Variants in HDAC9 observed in about 807,000 individuals in gnomAD.
The protein encoded by HDAC9 is MEF-2 interacting transcription repressor (MITR) protein.
A neutral mutation model predicts 139.4 loss-of-function variants in HDAC9; 41 were observed. That is an observed-to-expected ratio of 0.29 (90% confidence interval 0.23 to 0.38). HDAC9 has a LOEUF of 0.38. Among genes scored for constraint, HDAC9 ranks in the 10% least tolerant of loss-of-function variants. The pLI is 1.00. For missense variants in HDAC9, 1,147 were observed against 1,297.0 expected, an observed-to-expected ratio of 0.88 and a Z score of 1.78; for synonymous variants, 517 against 476.2, an observed-to-expected ratio of 1.09 and a Z score of -1.12.
At chr7:18,704,529 C>T (rs1367406620) in intron 12 of HDAC9, among the ~76,000 whole-genome samples, 2 of 152,156 alleles carry the variant, frequency 1.3e-5, no homozygotes, top group Non-Finnish European at 2.9e-5. Context: ...TAGTCATATC[C>T]TTAAGTCACA....
chr7:18,394,623 T>G (rs997430976), intron 1 of HDAC9, among the ~76,000 whole-genome samples: 4 of 152,114 alleles, frequency 2.6e-5, no homozygotes, highest in African/African-American at 4.8e-5. Context: ...TGTGTATCTG[T>G]GTGTGGAAAG....
Position 18,935,864 on chromosome 7 carries a change from G to C in HDAC9, c.2859G>C (p.Leu953Phe). The C allele has an allele frequency of 1.2e-6, 2 of 1,613,780 alleles. No individual in the cohort carries two copies. The highest frequency in any genetic ancestry group is 1.7e-6 in the Non-Finnish European group (2 of 1,179,756). The change falls in exon 23 of 26, where the codon TTG becomes TTC. Residue 953 changes from leucine (L) to phenylalanine (F), a missense_variant. Coordinates refer to ENST00000686413, the MANE Select transcript of HDAC9 (RefSeq NM_178425.4). ...LMTLADGRVV[L>F]ALEGGHDLTA... ...CATTGGCTGATGGACGTGTGGTGTT[G>C]GCTCTAGAAGGAGGACATGATCTCA...
intron 13 of HDAC9, among the ~76,000 whole-genome samples, chr7:18,746,465 TA>T (rs1787986315): frequency 6.6e-6 from 1 of 152,182 alleles, no homozygotes; most frequent in South Asian, 2.1e-4. Flanking sequence ...ATAGAAAATG[TA>T]AAAAGAGGAC....
At chr7:18,255,774 A>G (rs1276717514) in intron 2 of HDAC9, among the ~76,000 whole-genome samples, 1 of 151,898 alleles carries the variant, frequency 6.6e-6, no homozygotes, top group South Asian at 2.1e-4. Context: ...GATTACAGGC[A>G]CGCACCATCA....
chr7:18,815,505 A>G (rs1794498142), intron 17 of HDAC9, among the ~76,000 whole-genome samples: 1 of 152,218 alleles, frequency 6.6e-6, no homozygotes, highest in Non-Finnish European at 1.5e-5. Flanking sequence ...ATTACATGCA[A>G]TAGAAGCACC....
chr7:18,870,103 C>T (rs975372882), intron 21 of HDAC9, among the ~76,000 whole-genome samples: 1 of 151,988 alleles, frequency 6.6e-6, no homozygotes, highest in Non-Finnish European at 1.5e-5. Context: ...ACGCAGTGTA[C>T]CCTAATATTA....
chr7:18,238,567 G>C (rs2128188461), intron 2 of HDAC9, among the ~76,000 whole-genome samples: 2 of 152,226 alleles, frequency 1.3e-5, no homozygotes, highest in East Asian at 3.9e-4. Context: ...AGTTTTGATG[G>C]ATAAATATAT....
intron 1 of HDAC9, among the ~76,000 whole-genome samples, chr7:18,370,821 C>T (rs1276109648): frequency 6.6e-6 from 1 of 152,084 alleles, no homozygotes; most frequent in Non-Finnish European, 1.5e-5. Flanking sequence ...AGGTGAATTG[C>T]ACTGATTGGC....
At chr7:18,458,621 G>C (rs999597236) in intron 1 of HDAC9, among the ~76,000 whole-genome samples, 1 of 152,140 alleles carries the variant, frequency 6.6e-6, no homozygotes, top group African/African-American at 2.4e-5. Flanking sequence ...GTTTCCTTTT[G>C]CAGTGTTCTG....
At chr7:18,744,214 A>T (rs1182289673) in intron 13 of HDAC9, among the ~76,000 whole-genome samples, 2 of 150,934 alleles carry the variant, frequency 1.3e-5, no homozygotes, top group Non-Finnish European at 3.0e-5. Context: ...CTGGTCTTGA[A>T]CTCCTGACCT....
At chr7:18,716,862 C>T (rs1020836455) in intron 12 of HDAC9, among the ~76,000 whole-genome samples, 4 of 152,126 alleles carry the variant, frequency 2.6e-5, no homozygotes, top group Admixed American at 1.3e-4. Flanking sequence ...GTTGGTGATA[C>T]TTCAGCTGAA....
At chr7:18,671,118 G>C (rs772567040) in intron 12 of HDAC9, among the ~76,000 whole-genome samples, 1 of 151,904 alleles carries the variant, frequency 6.6e-6, no homozygotes, top group South Asian at 2.1e-4. Flanking sequence ...AGAAAGTCCA[G>C]TTTCTAAGCC....
intron 13 of HDAC9, among the ~76,000 whole-genome samples, chr7:18,730,415 TCTC>T (rs1386739714): frequency 6.6e-6 from 1 of 152,196 alleles, no homozygotes; most frequent in East Asian, 1.9e-4. Context: ...TAAGCACTAA[TCTC>T]CTTTCTTTTG....
intron 1 of HDAC9, among the ~76,000 whole-genome samples, chr7:18,334,074 T>C (rs144887379): frequency 1.3e-5 from 2 of 151,492 alleles, no homozygotes; most frequent in Admixed American, 6.6e-5. Context: ...GAGGATTACT[T>C]CTCAAAATGT....
intron 1 of HDAC9, among the ~76,000 whole-genome samples, chr7:18,159,219 CAT>C (rs1186919400): frequency 6.6e-6 from 1 of 152,162 alleles, no homozygotes; most frequent in African/African-American, 2.4e-5. Context: ...ACTTCTATTA[CAT>C]GTTTTGATAA....
At chr7:18,932,384 C>T (rs1025150632) in intron 22 of HDAC9, among the ~76,000 whole-genome samples, 1 of 152,064 alleles carries the variant, frequency 6.6e-6, no homozygotes, top group Non-Finnish European at 1.5e-5. Flanking sequence ...TATTCTTAAA[C>T]ACTTTTATGT....
At chr7:18,767,478 G>A (rs568537569) in intron 16 of HDAC9, among the ~76,000 whole-genome samples, 1 of 152,320 alleles carries the variant, frequency 6.6e-6, no homozygotes, top group East Asian at 1.9e-4. Context: ...TGGAGAAAAG[G>A]TGCTTCAAGA....
chr7:18,730,247 A>G (rs527667513), intron 13 of HDAC9, among the ~76,000 whole-genome samples: 1 of 152,198 alleles, frequency 6.6e-6, no homozygotes, highest in Non-Finnish European at 1.5e-5. Context: ...GCTATTCCAC[A>G]TATTGCTCTG....
intron 17 of HDAC9, among the ~76,000 whole-genome samples, chr7:18,827,524 A>G (rs530259163): frequency 7.9e-5 from 12 of 152,176 alleles, no homozygotes; most frequent in Admixed American, 7.9e-4. Flanking sequence ...TTTTCTAAAA[A>G]TTTAATTTCC....
Sources: gnomAD v4.1 joint callset for allele counts (sites outside exome capture counted in the v4.1 genomes callset) on GRCh38, gnomAD v4.1.1 for gene constraint, MANE v1.5 for transcripts, NCBI Gene and HGNC (gene_info 2026-07-23, HGNC 2026-07-21) for gene names.